Variants in IQANK1 observed in about 807,000 individuals in gnomAD.
IQANK1 encodes IQ motif and ankyrin repeat domain-containing protein 1.
IQANK1 carries 30 observed loss-of-function variants against 22.6 expected under a neutral mutation model. The ratio of observed to expected loss-of-function variants is 1.33; its 90% CI spans 0.99 to 1.80. The LOEUF (loss-of-function observed/expected upper bound fraction) is 1.80. IQANK1 is among the 40% of genes most tolerant of loss of function. The pLI, the probability that IQANK1 is intolerant of heterozygous loss-of-function variation, is 0.00. For missense variants in IQANK1, 275 were observed against 235.2 expected (o/e 1.17, Z -1.11); for synonymous variants, 122 against 99.6 (o/e 1.23, Z -1.34).
intron 7 of IQANK1, among the ~76,000 whole-genome samples, chr8:143,781,138 T>C (rs1554630896): frequency 6.6e-6 from 1 of 152,192 alleles, no homozygotes; most frequent in Non-Finnish European, 1.5e-5. Flanking sequence ...TTTTGAAAAG[T>C]GTCTGTTCAT....
chr8:143,764,035 G>C (rs1057011062), intron 3 of IQANK1, among the ~76,000 whole-genome samples: 32 of 152,146 alleles, frequency 2.1e-4, no homozygotes, highest in African/African-American at 7.7e-4. Flanking sequence ...TCTGGGAATA[G>C]AAGGATGATT....
intron 7 of IQANK1, among the ~76,000 whole-genome samples, chr8:143,776,796 A>G (rs1370401939): frequency 1.3e-5 from 2 of 152,122 alleles, no homozygotes; most frequent in Non-Finnish European, 2.9e-5. Context: ...GCTCCTATAC[A>G]TGGGGAAACG....
intron 3 of IQANK1, among the ~76,000 whole-genome samples, chr8:143,760,219 G>A (rs1336552943): frequency 6.6e-6 from 1 of 152,190 alleles, no homozygotes; most frequent in East Asian, 1.9e-4. Flanking sequence ...AGCCCAGGGA[G>A]CCCGGCTTTC....
chr8:143,734,664 C>T (rs561312197), intron 1 of IQANK1, among the ~76,000 whole-genome samples: 174 of 152,120 alleles, frequency 1.1e-3, no homozygotes, highest in Non-Finnish European at 1.9e-3. Context: ...ATTTCTCAGA[C>T]ACCAACCCCA....
chr8:143,788,790 T>G, intron 7 of IQANK1, 125 bp from the exon 8 acceptor site: 1 of 397,606 alleles, frequency 2.5e-6, no homozygotes, highest in Non-Finnish European at 4.4e-6. Context: ...GCACCAGCTG[T>G]GAGCACTGAG....
chr8:143,739,779 G>A (rs1272263829), intron 2 of IQANK1, 80 bp from the exon 3 acceptor site: 2 of 604,450 alleles, frequency 3.3e-6, no homozygotes, highest in East Asian at 6.1e-5. Context: ...CGGCCCTTTC[G>A]GTGCCCCATA....
intron 3 of IQANK1, among the ~76,000 whole-genome samples, chr8:143,756,479 C>T (rs1190373383): frequency 3.3e-5 from 5 of 152,098 alleles, no homozygotes; most frequent in Non-Finnish European, 5.9e-5. Context: ...CCAGGACCTT[C>T]GCACACCCAG....
intron 2 of IQANK1, among the ~76,000 whole-genome samples, chr8:143,739,134 C>G (rs1274069084): frequency 6.6e-6 from 1 of 152,162 alleles, no homozygotes; most frequent in Non-Finnish European, 1.5e-5. Context: ...CACTGCACTG[C>G]AACAAGGGCC....
chr8:143,749,443 A>G (rs1394818846), intron 3 of IQANK1, among the ~76,000 whole-genome samples: 1 of 135,890 alleles, frequency 7.4e-6, no homozygotes, highest in Non-Finnish European at 1.5e-5. Context: ...ATATATAATT[A>G]TATATTATAT....
intron 3 of IQANK1, among the ~76,000 whole-genome samples, chr8:143,740,247 C>A (rs1818869252): frequency 6.6e-6 from 1 of 152,052 alleles, no homozygotes; most frequent in Admixed American, 6.5e-5. Flanking sequence ...CACTCGCCCT[C>A]GCGGGGGTCG....
At chr8:143,742,238 A>T in intron 3 of IQANK1, 1 of 385,534 alleles carries the variant, frequency 2.6e-6, no homozygotes, top group South Asian at 1.8e-5. Flanking sequence ...TGGTGTCCGG[A>T]GTCAGTGATA....
intron 3 of IQANK1, among the ~76,000 whole-genome samples, chr8:143,749,131 ATG>A (rs1470270152): frequency 8.1e-6 from 1 of 123,284 alleles, no homozygotes; most frequent in Non-Finnish European, 1.5e-5. Flanking sequence ...TATAGCATAT[ATG>A]ATATATATCA....
Position 143,790,018 on chromosome 8 carries a change from G to T in IQANK1, c.1243G>T (p.Asp415Tyr), listed in dbSNP as rs139022212. The change falls in exon 12 of 14, where the codon GAT (aspartate) becomes TAT (tyrosine). Residue 415 changes from aspartate (D) to tyrosine (Y), a missense_variant. Coordinates refer to ENST00000527139, the MANE Select transcript of IQANK1 (RefSeq NM_001381874.1). ...GLKCQVTELHDVLMKDVGNRI... is the reference protein window; with the variant it reads ...GLKCQVTELHYVLMKDVGNRI... ...GAAGTGCCAGGTCACCGAGCTGCAC[G>T]ATGTGCTGATGAAAGATGTAGGCAA... 4 of 1,231,962 alleles carry T rather than the reference G, an allele frequency of 3.2e-6. No individual in the cohort carries two copies. Among genetic ancestry groups the T allele is most frequent in the East Asian group, 3.2e-5 (1 of 31,722 alleles). 76.3% of individuals were successfully genotyped at this position (1,231,962 alleles called of 1,614,324 possible).
intron 3 of IQANK1, among the ~76,000 whole-genome samples, chr8:143,747,966 T>TCCTTTCCTTTCCTTTCCCTTTC (rs1554627406): frequency 2.9e-5 from 4 of 138,930 alleles, no homozygotes; most frequent in African/African-American, 1.2e-4. Context: ...TCCTTTCCTT[T>TCCTTTCCTTTCCTTTCCCTTTC]CCTTTCCCTT....
chr8:143,765,530 T>G (rs1009594174), intron 3 of IQANK1, among the ~76,000 whole-genome samples: 2 of 152,224 alleles, frequency 1.3e-5, no homozygotes, highest in African/African-American at 4.8e-5. Flanking sequence ...CAATCCATTT[T>G]CCTCTTCTGG....
Position 143,735,756 on chromosome 8 carries a change from G to A in IQANK1, c.-4-94G>A. ...CATGTTCCTGCTGTCATCCACTCAG[G>A]CGCCCATGGTGTGCCCTGTTCCCCA... On this transcript the variant is annotated intron_variant, in intron 1 of 13. Transcript: ENST00000527139. The surrounding 1 kb of genome is among the most constrained non-coding windows in gnomAD (Gnocchi z 5.2). 3.0e-6 allele frequency: 2 copies of A among 666,802 alleles called. No individual in the cohort carries two copies. The highest frequency in any genetic ancestry group is 2.7e-6 in the Non-Finnish European group (1 of 363,696). The allele number at this position is 666,802 out of a possible 1,614,324, so 41.3% of individuals were successfully genotyped here.
chr8:143,785,284 T>A (rs1328807907), intron 7 of IQANK1, among the ~76,000 whole-genome samples: 7 of 142,030 alleles, frequency 4.9e-5, no homozygotes. Context: ...TGAGACAGAG[T>A]CTTCCTCTGT....
chr8:143,739,538 C>A, intron 2 of IQANK1: 1 of 287,124 alleles, frequency 3.5e-6, no homozygotes, highest in Admixed American at 5.3e-5. Flanking sequence ...GCAGGGCCAG[C>A]AGGCGGCACT....
intron 7 of IQANK1, among the ~76,000 whole-genome samples, chr8:143,777,062 G>T (rs1554630489): frequency 6.6e-6 from 1 of 152,044 alleles, no homozygotes; most frequent in Admixed American, 6.5e-5. Context: ...GGAGATGGAG[G>T]CTGAAGTGAG....
Sources: gnomAD v4.1 joint callset for allele counts (sites outside exome capture counted in the v4.1 genomes callset) on GRCh38, gnomAD v4.1.1 for gene constraint, Gnocchi (gnomAD v3.1) non-coding constraint, MANE v1.5 for transcripts, NCBI Gene and HGNC (gene_info 2026-07-23, HGNC 2026-07-21) for gene names.